The following PDE1C variants were observed in gnomAD, a reference collection of about 807,000 sequenced individuals.
The protein encoded by PDE1C is dual specificity calcium/calmodulin-dependent 3',5'-cyclic nucleotide phosphodiesterase 1C.
A neutral mutation model predicts 93.1 loss-of-function variants in PDE1C; 62 were observed. The ratio of observed to expected loss-of-function variants is 0.67; its 90% confidence interval spans 0.54 to 0.82. The LOEUF is 0.82. Ranked by LOEUF, PDE1C falls within the 40% of genes least tolerant of loss-of-function variation. PDE1C has a pLI of 0.00. For missense variants in PDE1C, 742 were observed against 884.6 expected, an observed-to-expected ratio of 0.84 and a Z score of 2.04; for synonymous variants, 325 against 310.1, an observed-to-expected ratio of 1.05 and a Z score of -0.50.
At chr7:32,140,220 A>G (rs1174890254) in intron 3 of PDE1C, among the ~76,000 whole-genome samples, 2 of 152,208 alleles carry the variant, frequency 1.3e-5, no homozygotes, top group Non-Finnish European at 2.9e-5. Flanking sequence ...TCCATTTTGC[A>G]GGTGAGAAAT....
At chr7:32,129,970 C>G (rs1584818275) in intron 3 of PDE1C, among the ~76,000 whole-genome samples, 1 of 152,126 alleles carries the variant, frequency 6.6e-6, no homozygotes, top group Non-Finnish European at 1.5e-5. Flanking sequence ...TTTAAGCTTC[C>G]AAGTTTTTCT....
chr7:31,942,190 G>A (rs1001217034), intron 2 of PDE1C, among the ~76,000 whole-genome samples: 4 of 152,084 alleles, frequency 2.6e-5, no homozygotes, highest in African/African-American at 7.2e-5. Flanking sequence ...CATAAGTTCC[G>A]GAGTTTGTGG....
chr7:31,681,389 ATGGAT>A, the PDE1C span, among the ~76,000 whole-genome samples: 415 of 151,356 alleles, frequency 2.7e-3, no homozygotes, highest in African/African-American at 9.2e-3. Context: ...GGATGGATGG[ATGGAT>A]GGATGGATGG....
the PDE1C span, among the ~76,000 whole-genome samples, chr7:31,676,644 T>G: frequency 2.0e-5 from 3 of 151,636 alleles, no homozygotes; most frequent in African/African-American, 7.3e-5. Context: ...CTCCAAAAAC[T>G]AGAAGAAAAA....
intron 3 of PDE1C, among the ~76,000 whole-genome samples, chr7:32,167,281 T>C (rs1053483742): frequency 2.0e-5 from 3 of 152,198 alleles, no homozygotes; most frequent in Non-Finnish European, 4.4e-5. Context: ...AGCTTGTATA[T>C]ATTTGCCTCC....
In PDE1C at chr7:32,243,777, A is replaced by T. The variant is rs78078446; in HGVS notation, c.86-34238T>A. ...AGTATAATAATATCTGCATTTGAAG[A>T]TAGTTATGAAGAGCAAAGACTGTTG... On this transcript the variant is annotated intron_variant, in intron 1 of 18. Transcript: ENST00000396193. 2.9e-4 allele frequency among the ~76,000 whole-genome samples: 44 copies of T among 152,306 alleles called. No homozygotes were observed. The East Asian group carries it at 8.1e-3, about 28-fold the overall frequency.
rs761399274 is a variant in PDE1C, at chr7:31,875,831, A to ATATATATATATATGTATG, written c.492+2138_492+2139insCATACATATATATATATA. Among the ~76,000 whole-genome samples the ATATATATATATATGTATG allele has an allele frequency of 6.7e-5, 6 of 90,120 alleles. 1 individual carries two copies. The East Asian group carries it at 2.6e-3, about 39-fold the overall frequency. 59.1% of individuals were successfully genotyped at this position (90,120 alleles called of 152,430 possible). On this transcript the variant is annotated intron_variant, in intron 5 of 17. Transcript: ENST00000396191. ...TATATATATATATATATATATATAT[A>ATATATATATATATGTATG]TATAATGGAAAAAGTAAAATAACAT...
intron 2 of PDE1C, among the ~76,000 whole-genome samples, chr7:31,992,219 C>T (rs1784228240): frequency 6.6e-6 from 1 of 152,202 alleles, no homozygotes; most frequent in African/African-American, 2.4e-5. Context: ...GAAACACTTC[C>T]TGTGTGTGCA....
intron 3 of PDE1C, among the ~76,000 whole-genome samples, chr7:32,107,782 T>C (rs1039165152): frequency 2.0e-5 from 3 of 151,968 alleles, no homozygotes; most frequent in Non-Finnish European, 2.9e-5. Context: ...CAAATAAAAG[T>C]TTGTTAAAAG....
chr7:31,675,039 G>A, the PDE1C span, among the ~76,000 whole-genome samples: 7 of 152,332 alleles, frequency 4.6e-5, 1 homozygote, highest in South Asian at 8.3e-4. Flanking sequence ...GCTGTTTTCT[G>A]CATCAAGCAA....
chr7:31,652,942 A>C, the PDE1C span: 3 of 1,500,140 alleles, frequency 2.0e-6, no homozygotes, highest in Admixed American at 2.3e-5. Flanking sequence ...TGTCAGCTAT[A>C]TCTCTCATAT....
chr7:32,307,976 T>C (rs1213575130), intron 1 of PDE1C, among the ~76,000 whole-genome samples: 2 of 152,234 alleles, frequency 1.3e-5, no homozygotes, highest in African/African-American at 4.8e-5. Context: ...TTCCCTTTCC[T>C]AGTCAAAGAA....
chr7:32,407,051 G>A lies in PDE1C; in HGVS notation c.310+20771C>T, dbSNP rs143580456. Among the ~76,000 whole-genome samples the A allele has an allele frequency of 1.5e-3, 232 of 152,240 alleles. 2 individuals are homozygous for A. The highest frequency in any genetic ancestry group is 4.5e-3 in the African/African-American group (186 of 41,544). ...AGCACTTTGGGAGGCCAAGGTGGGC[G>A]AATCACGAGGTCAGGAGCTCGAGAC... On this transcript the variant is annotated intron_variant, in intron 1 of 1. Transcript: ENST00000672256.
the PDE1C span, among the ~76,000 whole-genome samples, chr7:31,664,703 G>A: frequency 6.6e-6 from 1 of 152,180 alleles, no homozygotes; most frequent in Non-Finnish European, 1.5e-5. Context: ...GCCTCTCAAA[G>A]CAACCTTTCC....
intron 1 of PDE1C, chr7:32,298,528 G>A (rs1812773667): frequency 1.6e-6 from 2 of 1,218,420 alleles, no homozygotes; most frequent in East Asian, 2.7e-5. Context: ...CCCGCCCGGA[G>A]AGCACCCTCC....
At chr7:31,780,226 A>C (rs899159381) in intron 16 of PDE1C, among the ~76,000 whole-genome samples, 1 of 152,166 alleles carries the variant, frequency 6.6e-6, no homozygotes, top group African/African-American at 2.4e-5. Context: ...CACTGCCTTC[A>C]CTGAATACCC....
chr7:32,078,282 G>C (rs759241001), intron 3 of PDE1C, among the ~76,000 whole-genome samples: 1 of 152,184 alleles, frequency 6.6e-6, no homozygotes. Flanking sequence ...AGCAGAGCTT[G>C]GACCAGAAGT....
intron 2 of PDE1C, among the ~76,000 whole-genome samples, chr7:32,209,337 G>A (rs1805840638): frequency 6.6e-6 from 1 of 152,110 alleles, no homozygotes; most frequent in African/African-American, 2.4e-5. Context: ...CACCAGCCTG[G>A]GCTCAAGTGG....
chr7:31,618,220 G>A, the PDE1C span, among the ~76,000 whole-genome samples: 11 of 152,294 alleles, frequency 7.2e-5, no homozygotes, highest in East Asian at 3.9e-4. Flanking sequence ...ATGTATGTCT[G>A]TCTTCCCCAG....
Sources: allele counts gnomAD v4.1 joint callset (sites outside exome capture counted in the v4.1 genomes callset), GRCh38; gene constraint gnomAD v4.1.1; transcripts MANE v1.5; gene names NCBI Gene and HGNC (gene_info 2026-07-23, HGNC 2026-07-21).